The following ALCAM variants were observed in gnomAD, a reference collection of about 807,000 sequenced individuals.
ALCAM encodes the protein CD166 antigen.
A neutral mutation model predicts 70.9 loss-of-function variants in ALCAM; 30 were observed. That is an observed-to-expected ratio of 0.42 (90% CI 0.32 to 0.57). The LOEUF is 0.57. Among genes scored for constraint, ALCAM ranks in the 20% least tolerant of loss-of-function variants. The pLI, the probability that ALCAM is intolerant of heterozygous loss-of-function variation, is 0.11. For synonymous variants in ALCAM, 249 were observed against 242.5 expected, an observed-to-expected ratio of 1.03 and a Z score of -0.25; for missense variants, 591 against 695.1, an observed-to-expected ratio of 0.85 and a Z score of 1.68.
At position 105,420,158 on chromosome 3, in the gene ALCAM, T is replaced by C. The variant is rs562259038; in HGVS notation, c.73+52677T>C. ...AAAAGGTAGTATTTCAATTTTACCA[T>C]AGAGAGATGGTTGCCTTATCTAACA... On this transcript the variant is annotated intron_variant, in intron 1 of 15. Transcript: ENST00000306107. 3.3e-5 allele frequency among the ~76,000 whole-genome samples: 5 copies of C among 151,840 alleles called. No homozygotes were observed. In the East Asian group the frequency reaches 9.7e-4, roughly 29 times the overall value.
intron 6 of ALCAM, among the ~76,000 whole-genome samples, chr3:105,538,479 A>T (rs1012971994): frequency 6.6e-6 from 1 of 152,144 alleles, no homozygotes; most frequent in Non-Finnish European, 1.5e-5. Flanking sequence ...CAAAACGCAA[A>T]TGTGTTACAT....
intron 15 of ALCAM, among the ~76,000 whole-genome samples, chr3:105,574,254 G>T (rs1168169315): frequency 6.6e-6 from 1 of 151,930 alleles, no homozygotes; most frequent in Non-Finnish European, 1.5e-5. Flanking sequence ...TGTAATATTA[G>T]TATTAATTTT....
chr3:105,445,844 C>A (rs1466778418), intron 1 of ALCAM, among the ~76,000 whole-genome samples: 1 of 152,142 alleles, frequency 6.6e-6, no homozygotes, highest in Non-Finnish European at 1.5e-5. Context: ...TGATTAAAGG[C>A]TGAAATGTAA....
chr3:105,538,474 C>T (rs1056869177), intron 6 of ALCAM, among the ~76,000 whole-genome samples: 1 of 152,002 alleles, frequency 6.6e-6, no homozygotes, highest in Admixed American at 6.6e-5. Context: ...ACTGTCAAAA[C>T]GCAAATGTGT....
intron 1 of ALCAM, among the ~76,000 whole-genome samples, chr3:105,406,807 G>A (rs1289909996): frequency 6.6e-6 from 1 of 151,048 alleles, no homozygotes; most frequent in Non-Finnish European, 1.5e-5. Context: ...TAGATCATTA[G>A]CAAGATTAAC....
At chr3:105,454,381 A>G (rs1189598905) in intron 1 of ALCAM, among the ~76,000 whole-genome samples, 3 of 152,210 alleles carry the variant, frequency 2.0e-5, no homozygotes, top group Non-Finnish European at 4.4e-5. Context: ...ACAAGTGTAC[A>G]GATGGCCTTA....
chr3:105,406,123 G>A (rs926531992), intron 1 of ALCAM, among the ~76,000 whole-genome samples: 3 of 152,148 alleles, frequency 2.0e-5, no homozygotes, highest in African/African-American at 7.2e-5. Flanking sequence ...TGTAACTAAG[G>A]TCTGAGTCCT....
chr3:105,538,642 C>T (rs1940034977), intron 6 of ALCAM, among the ~76,000 whole-genome samples: 1 of 152,020 alleles, frequency 6.6e-6, no homozygotes, highest in Non-Finnish European at 1.5e-5. Context: ...CAGTGACATG[C>T]CACAGGCCAA....
chr3:105,494,264 T>G (rs1041822310), intron 1 of ALCAM, among the ~76,000 whole-genome samples: 1 of 152,190 alleles, frequency 6.6e-6, no homozygotes, highest in Non-Finnish European at 1.5e-5. Context: ...TTTTCTTTAA[T>G]CCAATATGTT....
chr3:105,475,557 T>G (rs1417808630), intron 1 of ALCAM, among the ~76,000 whole-genome samples: 1 of 151,994 alleles, frequency 6.6e-6, no homozygotes, highest in Non-Finnish European at 1.5e-5. Context: ...GCGCATAAGT[T>G]TTAAACACAG....
At chr3:105,409,714 A>C (rs1446156098) in intron 1 of ALCAM, among the ~76,000 whole-genome samples, 1 of 152,090 alleles carries the variant, frequency 6.6e-6, no homozygotes, top group Non-Finnish European at 1.5e-5. Flanking sequence ...AATTAAAAAA[A>C]AATTAAAAAG....
intron 1 of ALCAM, among the ~76,000 whole-genome samples, chr3:105,372,315 G>A (rs1014351429): frequency 6.6e-6 from 1 of 151,994 alleles, no homozygotes; most frequent in African/African-American, 2.4e-5. Context: ...TTTTCATGCA[G>A]CTAATTTCTC....
At chr3:105,473,886 G>GT (rs201995893) in intron 1 of ALCAM, among the ~76,000 whole-genome samples, 17,667 of 145,118 alleles carry the variant, frequency 0.12, 1,104 homozygotes, top group Middle Eastern at 0.17. Context: ...GTTTTGTTTT[G>GT]TTTTTTTTTT....
intron 1 of ALCAM, among the ~76,000 whole-genome samples, chr3:105,421,108 C>T (rs1242403819): frequency 1.3e-5 from 2 of 151,422 alleles, no homozygotes; most frequent in Non-Finnish European, 3.0e-5. Context: ...TAGATGTTTT[C>T]CTTATACTAC....
At chr3:105,384,318 G>A (rs1935597214) in intron 1 of ALCAM, among the ~76,000 whole-genome samples, 1 of 151,480 alleles carries the variant, frequency 6.6e-6, no homozygotes, top group Admixed American at 6.6e-5. Context: ...TTATTCAATG[G>A]TACTTAATAG....
intron 5 of ALCAM, 50 bp downstream of exon 5, chr3:105,533,740 G>T: frequency 6.5e-7 from 1 of 1,543,252 alleles, no homozygotes; most frequent in South Asian, 1.1e-5. Flanking sequence ...GACCTGTTCT[G>T]ACTTTCTTTG....
chr3:105,477,757 A>C (rs982845315), intron 1 of ALCAM, among the ~76,000 whole-genome samples: 1 of 151,970 alleles, frequency 6.6e-6, no homozygotes, highest in Non-Finnish European at 1.5e-5. Flanking sequence ...TTCCTGAAGC[A>C]CTGATTTTTT....
rs573106430 is a variant in ALCAM at position 105,405,343 on chromosome 3, C to T, written c.73+37862C>T. Among the ~76,000 whole-genome samples the T allele has an allele frequency of 5.7e-5, 8 of 141,270 alleles. No homozygotes were observed. In the South Asian group the frequency reaches 1.8e-3, roughly 32 times the overall value. The allele number at this position is 141,270 out of a possible 152,430, so 92.7% of individuals were successfully genotyped here. A position where few individuals can be genotyped will look rare whatever the true frequency, so the allele number is the denominator to read the frequency against. ...ATTATATAATGATAAAAGGACTAGA[C>T]CAACAGGAAAATACCCCAATTCTAA... On this transcript the variant is annotated intron_variant, in intron 1 of 15. Coordinates refer to ENST00000306107, the MANE Select transcript of ALCAM (RefSeq NM_001627.4).
intron 1 of ALCAM, among the ~76,000 whole-genome samples, chr3:105,487,444 C>T (rs1358896379): frequency 6.6e-6 from 1 of 152,124 alleles, no homozygotes; most frequent in African/African-American, 2.4e-5. Flanking sequence ...CTCCATGTTT[C>T]CTTCTCCCTA....
Sources: allele counts gnomAD v4.1 joint callset (sites outside exome capture counted in the v4.1 genomes callset), GRCh38; gene constraint gnomAD v4.1.1; transcripts MANE v1.5; gene names NCBI Gene and HGNC (gene_info 2026-07-23, HGNC 2026-07-21).